MAP7D2: variants seen among roughly 807,000 people sequenced by gnomAD.
MAP7D2 encodes MAP7 domain-containing protein 2.
In MAP7D2, 33 loss-of-function variants were observed where a neutral mutation model predicts 63.5. The observed-to-expected ratio is 0.52, with a 90% CI of 0.39 to 0.70. The LOEUF is 0.70. Among genes scored for constraint, MAP7D2 ranks in the 30% least tolerant of loss-of-function variants. The probability of loss-of-function intolerance (pLI) is 0.00; values close to 1 mark genes in which losing one functional copy is unlikely to be tolerated. For synonymous variants in MAP7D2, 224 were observed against 223.7 expected, an observed-to-expected ratio of 1.00 and a Z score of -0.01; for missense variants, 626 against 604.0, an observed-to-expected ratio of 1.04 and a Z score of -0.38.
chrX:20,080,568 C>T (rs964746035), intron 1 of MAP7D2, among the ~76,000 whole-genome samples: 2 of 110,639 alleles, frequency 1.8e-5, no homozygotes, highest in African/African-American at 3.3e-5. Context: ...AGGGCTTTTG[C>T]GTGAGCTTCT....
chrX:20,024,519 G>C (rs1209019144), intron 10 of MAP7D2, among the ~76,000 whole-genome samples: 2 of 112,191 alleles, frequency 1.8e-5, no homozygotes, highest in Admixed American at 9.4e-5. Flanking sequence ...TCACTTTGGG[G>C]TGTGAGTTAG....
At chrX:20,039,274 T>C (rs2064582829) in intron 8 of MAP7D2, among the ~76,000 whole-genome samples, 1 of 112,691 alleles carries the variant, frequency 8.9e-6, no homozygotes, top group African/African-American at 3.2e-5. Context: ...TGTGGACCCA[T>C]GGAATGCCTT....
chrX:20,011,164 G>A, intron 15 of MAP7D2, 112 bp from the exon 16 acceptor site: 1 of 795,196 alleles, frequency 1.3e-6, no homozygotes, highest in Non-Finnish European at 1.8e-6. Flanking sequence ...TAAAGAAGAA[G>A]GATTTAGAGT....
intron 1 of MAP7D2, among the ~76,000 whole-genome samples, chrX:20,086,959 A>C (rs752953032): frequency 9.0e-6 from 1 of 111,379 alleles, no homozygotes; most frequent in Non-Finnish European, 1.9e-5. Flanking sequence ...CTATGCAGTA[A>C]GTACTATTAT....
chrX:20,019,366 T>C (rs1460143895), intron 10 of MAP7D2, among the ~76,000 whole-genome samples: 4 of 111,614 alleles, frequency 3.6e-5, no homozygotes. Flanking sequence ...CTTGTTCTTG[T>C]CATTCACCCA....
At chrX:20,058,219 T>C (rs1345696116) in intron 3 of MAP7D2, among the ~76,000 whole-genome samples, 1 of 112,771 alleles carries the variant, frequency 8.9e-6, no homozygotes, top group East Asian at 2.8e-4. Context: ...GTCTGCCTGA[T>C]AAAAGCTGGG....
intron 14 of MAP7D2, 135 bp downstream of exon 14, chrX:20,012,919 C>A: frequency 3.8e-6 from 2 of 524,340 alleles, no homozygotes; most frequent in Non-Finnish European, 6.4e-6. Flanking sequence ...GAGACACATT[C>A]CCAGGGAAGG....
intron 10 of MAP7D2, among the ~76,000 whole-genome samples, chrX:20,022,702 C>T (rs2073697446): frequency 1.8e-5 from 2 of 111,662 alleles, no homozygotes; most frequent in Admixed American, 1.9e-4. Context: ...GAACACAGAG[C>T]TCATGAAAGA....
chrX:20,116,450 C>G, intron 1 of MAP7D2: 1 of 505,575 alleles, frequency 2.0e-6, no homozygotes, highest in Non-Finnish European at 2.5e-6. Flanking sequence ...GGGGACTGGA[C>G]CCGCAGCACC....
At chrX:20,116,566 C>T in intron 1 of MAP7D2, 184 bp downstream of exon 1, 2 of 947,724 alleles carry the variant, frequency 2.1e-6, no homozygotes, top group Non-Finnish European at 2.6e-6. Flanking sequence ...GCCACTCGCA[C>T]AGAGAGGGGT....
chrX:20,024,600 T>C (rs1467550209), intron 10 of MAP7D2, among the ~76,000 whole-genome samples: 1 of 111,998 alleles, frequency 8.9e-6, no homozygotes, highest in Non-Finnish European at 1.9e-5. Flanking sequence ...ACCTCTTGTT[T>C]TCCCAGGGAG....
Position 20,013,733 on chromosome X carries a change from A to G in MAP7D2, c.1750-108T>C, listed in dbSNP as rs984701589. ...GTCACATTTCTCAGAAAACTTGTAA[A>G]AGGCAAAAGTCAGAAGAGGATAACA... On this transcript the variant is annotated intron_variant, in intron 12 of 16. Transcript: ENST00000379643. 1.1e-5 allele frequency: 6 copies of G among 541,418 alleles called. No homozygotes were observed. The African/African-American group carries it at 1.4e-4, about 13-fold the overall frequency. The allele number at this position is 541,418 out of a possible 1,213,427, so 44.6% of individuals were successfully genotyped here.
At chrX:20,010,538 T>C (rs1207815390) in intron 16 of MAP7D2, among the ~76,000 whole-genome samples, 1 of 111,594 alleles carries the variant, frequency 9.0e-6, no homozygotes, top group East Asian at 2.8e-4. Context: ...TTCTCAACTT[T>C]CCCATCTACA....
chrX:20,008,755 G>A (rs1353520933), intron 16 of MAP7D2, among the ~76,000 whole-genome samples: 1 of 111,960 alleles, frequency 8.9e-6, no homozygotes, highest in Admixed American at 9.5e-5. Context: ...ACTTTTGGTA[G>A]AGAAGAATTT....
intron 1 of MAP7D2, among the ~76,000 whole-genome samples, chrX:20,113,622 C>T (rs1281234917): frequency 2.7e-5 from 3 of 111,715 alleles, no homozygotes; most frequent in African/African-American, 9.8e-5. Flanking sequence ...ACTCCGATTT[C>T]TTGGGGACCC....
At chrX:20,102,946 A>C (rs1408451544) in intron 1 of MAP7D2, among the ~76,000 whole-genome samples, 1 of 111,444 alleles carries the variant, frequency 9.0e-6, no homozygotes. Flanking sequence ...TGTACAGACA[A>C]GCAACTGAGT....
intron 1 of MAP7D2, among the ~76,000 whole-genome samples, chrX:20,095,689 A>G (rs2066239052): frequency 8.9e-6 from 1 of 112,286 alleles, no homozygotes; most frequent in Admixed American, 9.5e-5. Flanking sequence ...CATTATTCAC[A>G]ATAGCCAAAA....
At position 20,100,617 on chromosome X, in the gene MAP7D2, G is replaced by T. The variant is rs745754221; in HGVS notation, c.130+16133C>A. Among the ~76,000 whole-genome samples, 10 of 109,634 alleles carry T rather than the reference G, an allele frequency of 9.1e-5. No individual in the cohort carries two copies. In the South Asian group the frequency reaches 3.2e-3, roughly 35 times the overall value. ...GATGTAACAGTGGAAGTAGAGCTGGGGGGGAGGGAGGGGAAGGAGCAAGAG... is the reference window on the plus strand; with the variant it reads ...GATGTAACAGTGGAAGTAGAGCTGGTGGGGAGGGAGGGGAAGGAGCAAGAG... On this transcript the variant is annotated intron_variant, in intron 1 of 16. Transcript: ENST00000379643.
At position 20,052,976 on chromosome X, in the gene MAP7D2, AG is replaced by A. The variant is rs1479316564; in HGVS notation, c.496del (p.Leu166PhefsTer6). On this transcript the variant is annotated frameshift_variant, in exon 5 of 17. Coordinates refer to ENST00000379643, the MANE Select transcript of MAP7D2 (RefSeq NM_001168465.2). LOFTEE classifies it high-confidence loss of function. ...TGGCAAACTCATAGTTGATGTTGAA[AG>A]TTTGTCACATGCTGCAGAGAAATGC... ...GPGGHDACDK[L>X]STSTMSLPKP... 8.3e-7 allele frequency: 1 copy of A among 1,199,752 alleles called. No individual in the cohort carries two copies. Among genetic ancestry groups the A allele is most frequent in the East Asian group, 3.0e-5 (1 of 33,827 alleles).
Sources: gnomAD v4.1 joint callset for allele counts (sites outside exome capture counted in the v4.1 genomes callset) on GRCh38, gnomAD v4.1.1 for gene constraint, MANE v1.5 for transcripts, NCBI Gene and HGNC (gene_info 2026-07-23, HGNC 2026-07-21) for gene names.